The following C12orf42 variants were observed in gnomAD, a reference collection of about 807,000 sequenced individuals.
C12orf42 encodes the protein chromosome 12 open reading frame 42.
In C12orf42, 25 loss-of-function variants were observed where a neutral mutation model predicts 21.6. That is an observed-to-expected ratio of 1.16 (90% CI 0.84 to 1.62). The LOEUF is 1.62. C12orf42 is among the 40% of genes most tolerant of loss of function. The pLI, the probability that C12orf42 is intolerant of heterozygous loss-of-function variation, is 0.00. For synonymous variants in C12orf42, 174 were observed against 175.0 expected (o/e 0.99, Z 0.05); for missense variants, 483 against 459.3 (o/e 1.05, Z -0.47).
chr12:103,466,664 A>T (rs1210402552), intron 2 of C12orf42, among the ~76,000 whole-genome samples: 1 of 152,098 alleles, frequency 6.6e-6, no homozygotes, highest in Non-Finnish European at 1.5e-5. Context: ...CATGTGGTAC[A>T]CTGATTGCAT....
At chr12:103,211,742 C>T in the C12orf42 span, among the ~76,000 whole-genome samples, 1 of 152,122 alleles carries the variant, frequency 6.6e-6, no homozygotes, top group Non-Finnish European at 1.5e-5. Flanking sequence ...ATTCCCGGCT[C>T]TCAGAAACAG....
At chr12:103,414,421 C>T (rs2049125471) in intron 2 of C12orf42, among the ~76,000 whole-genome samples, 1 of 152,020 alleles carries the variant, frequency 6.6e-6, no homozygotes, top group Admixed American at 6.6e-5. Flanking sequence ...TTTTCCAATT[C>T]TGCAAAGAAT....
the C12orf42 span, among the ~76,000 whole-genome samples, chr12:103,089,306 T>G: frequency 6.6e-6 from 1 of 152,042 alleles, no homozygotes; most frequent in East Asian, 1.9e-4. Context: ...GTGAGATTTT[T>G]TAAAAGAAAA....
At chr12:103,181,618 A>G in the C12orf42 span, among the ~76,000 whole-genome samples, 3 of 152,212 alleles carry the variant, frequency 2.0e-5, no homozygotes, top group African/African-American at 7.2e-5. Flanking sequence ...ATCAGTTCTC[A>G]TGGGAGCTCC....
chr12:103,247,173 AC>A (rs1030263636), intron 10 of C12orf42, among the ~76,000 whole-genome samples: 11 of 151,948 alleles, frequency 7.2e-5, no homozygotes, highest in Non-Finnish European at 1.6e-4. Context: ...TCAAAAAAAA[AC>A]CATGATCAAT....
chr12:103,553,755 G>T, the C12orf42 span, among the ~76,000 whole-genome samples: 1 of 152,106 alleles, frequency 6.6e-6, no homozygotes, highest in Non-Finnish European at 1.5e-5. Flanking sequence ...TGCCCAGATG[G>T]TTCCTATGAT....
the C12orf42 span, among the ~76,000 whole-genome samples, chr12:103,122,305 G>A: frequency 2.0e-5 from 3 of 152,240 alleles, no homozygotes; most frequent in African/African-American, 7.2e-5. Context: ...GAATTCATTA[G>A]GGAGGAGAGC....
At chr12:103,301,378 A>AAATC (rs1566032189), downstream of C12orf42, among the ~76,000 whole-genome samples, 1 of 152,224 alleles carries the variant, frequency 6.6e-6, no homozygotes, top group African/African-American at 2.4e-5. Flanking sequence ...CTAAACTCAT[A>AAATC]AAATCAATTG....
chr12:103,390,996 A>G lies in C12orf42; in HGVS notation c.147+10611T>C, dbSNP rs75025060. ...TTAACCAGCTATCTGGATATCCCTT[A>G]GCCCAATCAAGTTGGCACAAAATGA... On this transcript the variant is annotated intron_variant, in intron 3 of 5. Transcript: ENST00000548883. Among the ~76,000 whole-genome samples, 1,521 of 152,344 alleles carry G rather than the reference A, an allele frequency of 1.0e-2. 137 individuals carry two copies. The East Asian group carries it at 0.2, about 20-fold the overall frequency.
chr12:103,117,950 G>T, the C12orf42 span, among the ~76,000 whole-genome samples: 1 of 152,244 alleles, frequency 6.6e-6, no homozygotes, highest in South Asian at 2.1e-4. Flanking sequence ...TTACTGTAAG[G>T]ATTAAATGAG....
At chr12:103,376,320 C>T (rs558861332) in intron 3 of C12orf42, among the ~76,000 whole-genome samples, 72 of 152,112 alleles carry the variant, frequency 4.7e-4, no homozygotes, top group Middle Eastern at 3.4e-3. Flanking sequence ...AACCAAACAC[C>T]GCATGTTCTC....
chr12:103,493,052 A>G (rs113282275), intron 1 of C12orf42, among the ~76,000 whole-genome samples: 1,643 of 152,220 alleles, frequency 0.011, 34 homozygotes, highest in African/African-American at 0.037. Flanking sequence ...CTGGATTACT[A>G]CAGCAGCCTT....
chr12:103,051,536 A>G, the C12orf42 span, among the ~76,000 whole-genome samples: 1 of 152,202 alleles, frequency 6.6e-6, no homozygotes, highest in Non-Finnish European at 1.5e-5. Flanking sequence ...ATTGTCACAT[A>G]AAATGTAAAT....
chr12:103,458,982 T>C (rs1952502000), intron 2 of C12orf42, among the ~76,000 whole-genome samples: 1 of 150,542 alleles, frequency 6.6e-6, no homozygotes, highest in South Asian at 2.1e-4. Context: ...AGGGGAAACA[T>C]CTGTGGGAGA....
intron 5 of C12orf42, among the ~76,000 whole-genome samples, chr12:103,276,705 T>C (rs1392992674): frequency 6.6e-6 from 1 of 152,160 alleles, no homozygotes; most frequent in Non-Finnish European, 1.5e-5. Context: ...CTCTGAGATT[T>C]GGGAGTGATG....
At chr12:103,393,198 G>A (rs1460358568) in intron 3 of C12orf42, among the ~76,000 whole-genome samples, 1 of 152,142 alleles carries the variant, frequency 6.6e-6, no homozygotes, top group Non-Finnish European at 1.5e-5. Context: ...GGGATCTGCA[G>A]GCTGTACAGG....
Position 103,378,976 on chromosome 12 carries a change from T to C in C12orf42, c.148-9978A>G, listed in dbSNP as rs569670973. On this transcript the variant is annotated intron_variant, in intron 3 of 5. Coordinates refer to ENST00000548883, the MANE Select transcript of C12orf42 (RefSeq NM_198521.5). The stretch of plus-strand genomic sequence containing the variant: ...ATAGGGTTTTAAAAAAATTAAACAG[T>C]GAATGAAAAAGGTGAAGACTACGGT... Among the ~76,000 whole-genome samples the C allele has an allele frequency of 3.9e-5, 6 of 151,958 alleles. No individual in the cohort carries two copies. In the East Asian group the frequency reaches 5.8e-4, roughly 15 times the overall value.
the C12orf42 span, among the ~76,000 whole-genome samples, chr12:103,134,771 CAAAT>C: frequency 1.3e-5 from 2 of 152,064 alleles, no homozygotes; most frequent in African/African-American, 4.8e-5. Flanking sequence ...CAGAGAACCT[CAAAT>C]AGATAAATGC....
the C12orf42 span, among the ~76,000 whole-genome samples, chr12:103,195,066 G>A: frequency 6.6e-6 from 1 of 152,146 alleles, no homozygotes; most frequent in Non-Finnish European, 1.5e-5. Context: ...TTCTGTTACT[G>A]TGTTAATTTG....
Sources: allele counts gnomAD v4.1 joint callset (sites outside exome capture counted in the v4.1 genomes callset), GRCh38; gene constraint gnomAD v4.1.1; transcripts MANE v1.5; gene names NCBI Gene and HGNC (gene_info 2026-07-23, HGNC 2026-07-21).